Variants in CDH12 observed in about 807,000 individuals in gnomAD.
The protein encoded by CDH12 is cadherin 12.
A neutral mutation model predicts 74.1 loss-of-function variants in CDH12; 41 were observed. The ratio of observed to expected loss-of-function variants is 0.55; its 90% CI spans 0.43 to 0.72. The LOEUF (loss-of-function observed/expected upper bound fraction) is 0.72. Ranked by LOEUF, CDH12 falls within the 30% of genes least tolerant of loss-of-function variation. The pLI, the probability that CDH12 is intolerant of heterozygous loss-of-function variation, is 0.00. For synonymous variants in CDH12, 399 were observed against 355.0 expected (o/e 1.12, Z -1.39); for missense variants, 945 against 977.2 (o/e 0.97, Z 0.44).
intron 8 of CDH12, among the ~76,000 whole-genome samples, chr5:21,820,239 A>T (rs1352119093): frequency 6.6e-6 from 1 of 152,036 alleles, no homozygotes; most frequent in African/African-American, 2.4e-5. Context: ...AGTCACAATA[A>T]ATGTAAAGAA....
At chr5:22,105,266 T>TA (rs70957088) in intron 4 of CDH12, among the ~76,000 whole-genome samples, 4 of 149,706 alleles carry the variant, frequency 2.7e-5, no homozygotes, top group Admixed American at 6.7e-5. Context: ...TAATTTTTTT[T>TA]ATATTTTCAG....
intron 1 of CDH12, among the ~76,000 whole-genome samples, chr5:22,522,302 A>C (rs543737201): frequency 6.6e-6 from 1 of 152,312 alleles, no homozygotes; most frequent in African/African-American, 2.4e-5. Flanking sequence ...AAACTGACCA[A>C]GTTTCCACTA....
chr5:22,383,257 C>G (rs1741848260), intron 3 of CDH12, among the ~76,000 whole-genome samples: 1 of 152,116 alleles, frequency 6.6e-6, no homozygotes, highest in African/African-American at 2.4e-5. Context: ...TTAATAACTA[C>G]TATAAAGTGA....
chr5:22,380,775 C>T (rs1360703696), intron 3 of CDH12, among the ~76,000 whole-genome samples: 1 of 152,012 alleles, frequency 6.6e-6, no homozygotes, highest in Non-Finnish European at 1.5e-5. Context: ...TAAGAATGCA[C>T]ACATAACATA....
At chr5:22,115,289 CT>C (rs1228175413) in intron 4 of CDH12, among the ~76,000 whole-genome samples, 3 of 152,122 alleles carry the variant, frequency 2.0e-5, no homozygotes, top group African/African-American at 7.2e-5. Context: ...TGGAATACAT[CT>C]TAGTTCCTTG....
chr5:22,361,837 C>A (rs973109198), intron 3 of CDH12, among the ~76,000 whole-genome samples: 1 of 152,090 alleles, frequency 6.6e-6, no homozygotes, highest in African/African-American at 2.4e-5. Flanking sequence ...GGAAAGGGTT[C>A]CCTATTTAAT....
At chr5:22,387,911 G>A (rs1195469398) in intron 3 of CDH12, among the ~76,000 whole-genome samples, 1 of 152,036 alleles carries the variant, frequency 6.6e-6, no homozygotes, top group Non-Finnish European at 1.5e-5. Context: ...ATAGTTCAGA[G>A]AATATATGAA....
chr5:22,396,193 T>C (rs1162006531), intron 3 of CDH12, among the ~76,000 whole-genome samples: 8 of 152,110 alleles, frequency 5.3e-5, no homozygotes, highest in Admixed American at 3.9e-4. Flanking sequence ...GTAAATATTA[T>C]CAAAAATAAG....
At chr5:22,097,307 G>A (rs1046623280) in intron 4 of CDH12, among the ~76,000 whole-genome samples, 30 of 152,158 alleles carry the variant, frequency 2.0e-4, no homozygotes, top group African/African-American at 6.8e-4. Flanking sequence ...TCTCAGCTTA[G>A]CGGCTGAAGA....
intron 1 of CDH12, among the ~76,000 whole-genome samples, chr5:22,738,491 C>T (rs189386909): frequency 4.6e-5 from 7 of 151,976 alleles, no homozygotes; most frequent in East Asian, 1.9e-4. Flanking sequence ...CCAATGGTGA[C>T]GAAGAGCAAG....
At chr5:22,310,506 T>C (rs1738342775) in intron 3 of CDH12, among the ~76,000 whole-genome samples, 1 of 151,790 alleles carries the variant, frequency 6.6e-6, no homozygotes, top group Non-Finnish European at 1.5e-5. Context: ...TAAACCATTA[T>C]AATTATATAG....
intron 1 of CDH12, among the ~76,000 whole-genome samples, chr5:22,839,043 G>C (rs994345985): frequency 1.1e-4 from 17 of 152,124 alleles, no homozygotes; most frequent in African/African-American, 3.6e-4. Flanking sequence ...GTTGTTGGTA[G>C]TGTCGGTGTT....
intron 1 of CDH12, among the ~76,000 whole-genome samples, chr5:22,744,069 A>G (rs143681587): frequency 6.6e-6 from 1 of 152,268 alleles, no homozygotes; most frequent in East Asian, 1.9e-4. Context: ...AACACCTCCT[A>G]ACACAGGCAT....
chr5:21,983,656 C>A (rs950045584), intron 5 of CDH12, among the ~76,000 whole-genome samples: 1 of 152,074 alleles, frequency 6.6e-6, no homozygotes, highest in Non-Finnish European at 1.5e-5. Context: ...TATTTCCTGT[C>A]CTTGGTTTTT....
intron 10 of CDH12, among the ~76,000 whole-genome samples, chr5:21,798,036 G>A (rs895452922): frequency 4.6e-5 from 7 of 151,532 alleles, no homozygotes; most frequent in Non-Finnish European, 1.0e-4. Context: ...AATTATTTTT[G>A]TTGCAACCTT....
rs1451643463 is a variant in CDH12 at position 21,802,176 on chromosome 5, CT to C, written c.1246del (p.Ser416ValfsTer7). ...TGTTTCTTTTTCTCACCTAACAGCA[CT>C]GCTGCCTACATCCAGGTCTTGAGCA... Reference protein sequence around the residue: ...VTAQDLDVGSSAVRYFIDWKS... With the variant: ...VTAQDLDVGSXAVRYFIDWKS... On this transcript the variant is annotated frameshift_variant, in exon 10 of 15. Transcript: ENST00000382254. LOFTEE classifies it high-confidence loss of function. 1.2e-6 allele frequency: 2 copies of C among 1,613,594 alleles called. No individual in the cohort carries two copies. The highest frequency in any genetic ancestry group is 1.7e-6 in the Non-Finnish European group (2 of 1,179,742).
intron 1 of CDH12, among the ~76,000 whole-genome samples, chr5:22,743,410 G>T (rs1405715664): frequency 6.6e-6 from 1 of 151,556 alleles, no homozygotes; most frequent in African/African-American, 2.4e-5. Context: ...CTCCTGGCTG[G>T]GGGAAGCAGT....
intron 2 of CDH12, among the ~76,000 whole-genome samples, chr5:22,492,087 A>C (rs440188): frequency 0.94 from 143,097 of 152,140 alleles, 67,390 homozygotes; most frequent in Admixed American, 0.97. Flanking sequence ...ACACAAAATT[A>C]AGCCCATAAC....
At chr5:22,089,590 G>A (rs1177990762) in intron 4 of CDH12, among the ~76,000 whole-genome samples, 1 of 152,044 alleles carries the variant, frequency 6.6e-6, no homozygotes. Flanking sequence ...TAGAATAACA[G>A]AAATGAAAAC....
Sources: allele counts gnomAD v4.1 joint callset (sites outside exome capture counted in the v4.1 genomes callset), GRCh38; gene constraint gnomAD v4.1.1; transcripts MANE v1.5; gene names NCBI Gene and HGNC (gene_info 2026-07-23, HGNC 2026-07-21).